The following IL15 variants were observed in gnomAD, a reference collection of about 807,000 sequenced individuals.
IL15 encodes interleukin-15.
Under a neutral mutation model 19.6 loss-of-function variants are expected in IL15, and 11 were observed. The ratio of observed to expected loss-of-function variants is 0.56; its 90% CI spans 0.35 to 0.93. The LOEUF (loss-of-function observed/expected upper bound fraction) is 0.93. Ranked by LOEUF, IL15 falls within the 40% of genes least tolerant of loss-of-function variation. The pLI is 0.01. For missense variants in IL15, 197 were observed against 186.5 expected (o/e 1.06, Z -0.33); for synonymous variants, 58 against 59.6 (o/e 0.97, Z 0.12).
At chr4:141,691,362 A>G (rs1728905427) in intron 2 of IL15, among the ~76,000 whole-genome samples, 1 of 152,088 alleles carries the variant, frequency 6.6e-6, no homozygotes, top group Non-Finnish European at 1.5e-5. Flanking sequence ...CCCAAATCTC[A>G]TGTCCTTTTC....
chr4:141,638,831 C>A (rs759429385), intron 1 of IL15, among the ~76,000 whole-genome samples: 1 of 152,132 alleles, frequency 6.6e-6, no homozygotes, highest in Non-Finnish European at 1.5e-5. Context: ...ATATCCGTAA[C>A]TTTGATCAGC....
At chr4:141,678,437 T>C (rs1728423929) in intron 2 of IL15, among the ~76,000 whole-genome samples, 1 of 150,886 alleles carries the variant, frequency 6.6e-6, no homozygotes, top group South Asian at 2.1e-4. Flanking sequence ...TGAGTGACCA[T>C]AATGTGCTAA....
chr4:141,639,822 T>A (rs748064400), intron 1 of IL15, among the ~76,000 whole-genome samples: 4 of 152,210 alleles, frequency 2.6e-5, no homozygotes, highest in Admixed American at 6.5e-5. Flanking sequence ...GCTGCTGTCC[T>A]ATAGGAATGG....
chr4:141,720,756 A>G, intron 4 of IL15, 190 bp downstream of exon 4: 2 of 603,512 alleles, frequency 3.3e-6, no homozygotes, highest in Admixed American at 3.4e-5. Flanking sequence ...ATTTTTCTAC[A>G]TTGTGGTAAT....
At chr4:141,705,747 T>C (rs1729492931) in intron 2 of IL15, among the ~76,000 whole-genome samples, 1 of 152,080 alleles carries the variant, frequency 6.6e-6, no homozygotes, top group Non-Finnish European at 1.5e-5. Context: ...TTTAGATATC[T>C]GGGTGCTCTG....
chr4:141,684,126 C>T (rs1350731056), intron 2 of IL15, among the ~76,000 whole-genome samples: 1 of 152,156 alleles, frequency 6.6e-6, no homozygotes, highest in Non-Finnish European at 1.5e-5. Flanking sequence ...CTAATTACGA[C>T]CCAGCCTGTA....
At chr4:141,672,409 CT>C (rs1365331046) in intron 2 of IL15, among the ~76,000 whole-genome samples, 1 of 152,126 alleles carries the variant, frequency 6.6e-6, no homozygotes, top group Admixed American at 6.6e-5. Context: ...TGAAGTGTGA[CT>C]TTGTTTTCTT....
intron 1 of IL15, among the ~76,000 whole-genome samples, chr4:141,646,673 A>G (rs1727237077): frequency 6.6e-6 from 1 of 152,138 alleles, no homozygotes; most frequent in Non-Finnish European, 1.5e-5. Context: ...GAATAAATAC[A>G]GCTTACACAT....
chr4:141,683,479 G>A (rs1215029185), intron 2 of IL15, among the ~76,000 whole-genome samples: 6 of 150,860 alleles, frequency 4.0e-5, no homozygotes, highest in Non-Finnish European at 7.4e-5. Context: ...GCTGAGGCAG[G>A]AAAATTGCTT....
intron 6 of IL15, 46 bp downstream of exon 6, chr4:141,728,030 G>T: frequency 1.1e-6 from 1 of 879,918 alleles, no homozygotes. Context: ...TGTTATTAAA[G>T]TTTTTAAAAG....
intron 1 of IL15, among the ~76,000 whole-genome samples, chr4:141,644,375 C>T (rs559631881): frequency 1.4e-4 from 22 of 152,224 alleles, no homozygotes; most frequent in African/African-American, 3.9e-4. Context: ...GGGCTACTTT[C>T]GGCTGCTTGA....
intron 1 of IL15, among the ~76,000 whole-genome samples, chr4:141,644,306 C>G (rs1055306742): frequency 2.0e-5 from 3 of 151,992 alleles, no homozygotes; most frequent in Non-Finnish European, 4.4e-5. Flanking sequence ...AAAACAACAC[C>G]CCCAGAACTT....
chr4:141,693,016 C>CAAAAAAAAAAGAAAAAAAAAA lies in IL15; in HGVS notation c.-99-26340_-99-26339insGAAAAAAAAAAAAAAAAAAAA, dbSNP rs1728969114. 8.6e-5 allele frequency among the ~76,000 whole-genome samples: 2 copies of CAAAAAAAAAAGAAAAAAAAAA among 23,232 alleles called. 1 individual carries two copies. Among genetic ancestry groups the CAAAAAAAAAAGAAAAAAAAAA allele is most frequent in the Non-Finnish European group, 1.5e-4 (2 of 12,958 alleles). 15.2% of individuals were successfully genotyped at this position (23,232 alleles called of 152,430 possible). A position where few individuals can be genotyped will look rare whatever the true frequency, so the allele number is the denominator to read the frequency against. Reference sequence around the variant, plus strand: ...AGGGGAACAGAGCAAGACTCCGTCTCAAAAAAAAAAAAAAAAAAAAAAAAA... The same window carrying CAAAAAAAAAAGAAAAAAAAAA: ...AGGGGAACAGAGCAAGACTCCGTCTCAAAAAAAAAAGAAAAAAAAAAAAAAAAAAAAAAAAAAAAAAAAAAA... On this transcript the variant is annotated intron_variant, in intron 2 of 7. Coordinates refer to ENST00000320650, the MANE Select transcript of IL15 (RefSeq NM_000585.5).
At chr4:141,668,746 A>G (rs1728076865) in intron 2 of IL15, among the ~76,000 whole-genome samples, 1 of 152,194 alleles carries the variant, frequency 6.6e-6, no homozygotes, top group South Asian at 2.1e-4. Context: ...TTTAGCCTCC[A>G]TTGACAAATC....
Position 141,721,943 on chromosome 4 carries a change from C to A in IL15, c.130C>A (p.Pro44Thr), listed in dbSNP as rs373399493. The part of the protein sequence containing the change: ...FILGCFSAGL[P>T]KTEANWVNVI... Reference sequence around the variant, plus strand: ...TTTCAGCTGTTTCAGTGCAGGGCTTCCTAAAACAGAAGCCAACTGGGTGAA... The same window carrying A: ...TTTCAGCTGTTTCAGTGCAGGGCTTACTAAAACAGAAGCCAACTGGGTGAA... Residue 44 changes from proline (P) to threonine (T), a missense_variant, in exon 5 of 8, where the codon CCT (proline) becomes ACT (threonine). Pro to Thr is a conservative substitution (Grantham distance 38, BLOSUM62 -1). Coordinates refer to ENST00000320650, the MANE Select transcript of IL15 (RefSeq NM_000585.5). 2 of 1,592,454 alleles carry A rather than the reference C, an allele frequency of 1.3e-6. No homozygotes were observed. The highest frequency in any genetic ancestry group is 2.7e-5 in the African/African-American group (2 of 74,566).
rs1474099593 is a variant in IL15, at chr4:141,697,476, T to A, written c.-99-21890T>A. Among the ~76,000 whole-genome samples the A allele has an allele frequency of 2.0e-5, 3 of 152,132 alleles. No individual in the cohort carries two copies. The East Asian group carries it at 5.8e-4, about 29-fold the overall frequency. ...CCAGATTTGTTCTTTTTGCTTAGTCTTGCTTTTGCTATGTGGGTTCCTTTT... is the reference window on the plus strand; with the variant it reads ...CCAGATTTGTTCTTTTTGCTTAGTCATGCTTTTGCTATGTGGGTTCCTTTT... On this transcript the variant is annotated intron_variant, in intron 2 of 7. Coordinates refer to ENST00000320650, the MANE Select transcript of IL15 (RefSeq NM_000585.5).
chr4:141,720,443 C>G, intron 3 of IL15, 26 bp from the exon 4 acceptor site: 1 of 1,183,678 alleles, frequency 8.4e-7, no homozygotes, highest in Non-Finnish European at 1.2e-6. Context: ...AAAATTTAAC[C>G]ATTTGTCTAT....
At chr4:141,715,706 G>C (rs1021938930) in intron 2 of IL15, 2 of 152,010 alleles carry the variant, frequency 1.3e-5, no homozygotes, top group Admixed American at 1.3e-4. Flanking sequence ...GTCTCGGCTT[G>C]TCTTTTCTAG....
At chr4:141,650,723 A>G (rs1727375847) in intron 1 of IL15, among the ~76,000 whole-genome samples, 1 of 152,076 alleles carries the variant, frequency 6.6e-6, no homozygotes, top group African/African-American at 2.4e-5. Context: ...CATAACATGG[A>G]TGGATTCTAT....
Sources: allele counts gnomAD v4.1 joint callset (sites outside exome capture counted in the v4.1 genomes callset), GRCh38; gene constraint gnomAD v4.1.1; transcripts MANE v1.5; gene names NCBI Gene and HGNC (gene_info 2026-07-23, HGNC 2026-07-21).